The following GM2A variants were observed in gnomAD, a reference collection of about 807,000 sequenced individuals.
GM2A encodes the protein GM2 ganglioside activator.
In GM2A, 7 loss-of-function variants were observed where a neutral mutation model predicts 12.9. The observed-to-expected ratio is 0.54, with a 90% CI of 0.31 to 1.02. The LOEUF (loss-of-function observed/expected upper bound fraction) is 1.02. Among genes scored for constraint, GM2A ranks in the 50% least tolerant of loss-of-function variants. The pLI is 0.05. For missense variants in GM2A, 246 were observed against 241.0 expected, an observed-to-expected ratio of 1.02 and a Z score of -0.14; for synonymous variants, 101 against 96.0, an observed-to-expected ratio of 1.05 and a Z score of -0.30.
At chr5:151,260,290 T>C (rs1753771206) in intron 2 of GM2A, among the ~76,000 whole-genome samples, 1 of 152,206 alleles carries the variant, frequency 6.6e-6, no homozygotes. Flanking sequence ...GCCAGTAATA[T>C]ATAGTCACTT....
intron 1 of GM2A, among the ~76,000 whole-genome samples, chr5:151,259,343 G>A (rs1753749395): frequency 6.6e-6 from 1 of 152,180 alleles, no homozygotes; most frequent in African/African-American, 2.4e-5. Context: ...GGTCCTGGGT[G>A]TGGGCTGCAG....
rs1047548185 is a variant in GM2A at position 151,259,921 on chromosome 5, G to A, written c.243+5G>A. On this transcript the variant is annotated splice_donor_5th_base_variant and intron_variant, in intron 2 of 3. Transcript: ENST00000357164. ...CCCCTGAGTTCTCCTCTGAAGGTGA[G>A]CCTGGGGGTGGGTGGAGAAGGGGAG... 3 of 1,611,330 alleles carry A rather than the reference G, an allele frequency of 1.9e-6. No individual in the cohort carries two copies. Among genetic ancestry groups the A allele is most frequent in the African/African-American group, 1.3e-5 (1 of 74,872 alleles).
At chr5:151,261,187 C>T (rs1021360838) in intron 2 of GM2A, among the ~76,000 whole-genome samples, 35 of 152,056 alleles carry the variant, frequency 2.3e-4, no homozygotes, top group Non-Finnish European at 1.0e-4. Context: ...ACCATGCTTA[C>T]CTAATTTTTT....
intron 1 of GM2A, among the ~76,000 whole-genome samples, chr5:151,254,305 G>A (rs1368982254): frequency 1.3e-5 from 2 of 152,122 alleles, no homozygotes; most frequent in African/African-American, 4.8e-5. Flanking sequence ...TGGTAGTTCT[G>A]TTTTATTATC....
chr5:151,261,810 G>A (rs1441566642), intron 2 of GM2A, among the ~76,000 whole-genome samples: 1 of 152,192 alleles, frequency 6.6e-6, no homozygotes, highest in Admixed American at 6.5e-5. Flanking sequence ...CTGACCTCAG[G>A]CAATCCACCT....
chr5:151,260,992 A>AT (rs5872196), intron 2 of GM2A, among the ~76,000 whole-genome samples: 43 of 151,840 alleles, frequency 2.8e-4, no homozygotes, highest in African/African-American at 8.9e-4. Flanking sequence ...TACTTATTCA[A>AT]TTTTTTTTTA....
At chr5:151,258,555 TC>T (rs1419322636) in intron 1 of GM2A, among the ~76,000 whole-genome samples, 2 of 152,172 alleles carry the variant, frequency 1.3e-5, no homozygotes, top group Non-Finnish European at 2.9e-5. Context: ...CTTGATCTGT[TC>T]CCTTTTCCAC....
rs1240414702 is a variant in GM2A at position 151,269,100 on chromosome 5, AAG to A, written c.*1654_*1655del. On this transcript the variant is annotated 3_prime_UTR_variant, in exon 4 of 4. Transcript: ENST00000357164. ...CTGCTTTTGGAGCAGGGGTCCAAGG[AAG>A]AGAGGGTGGCCTCGACATCAAACTG... The A allele has an allele frequency of 1.0e-6, 1 of 985,340 alleles. No individual in the cohort carries two copies. Among genetic ancestry groups the A allele is most frequent in the African/African-American group, 1.7e-5 (1 of 57,240 alleles). The allele number at this position is 985,340 out of a possible 1,614,324, so 61.0% of individuals were successfully genotyped here. A position where few individuals can be genotyped will look rare whatever the true frequency, so the allele number is the denominator to read the frequency against.
At chr5:151,260,003 G>C in intron 2 of GM2A, 87 bp downstream of exon 2, 4 of 949,500 alleles carry the variant, frequency 4.2e-6, no homozygotes, top group Non-Finnish European at 6.4e-6. Context: ...GAACTGTGAA[G>C]AATTTCAGAA....
Position 151,262,547 on chromosome 5 carries a change from C to A in GM2A, c.243+2631C>A, listed in dbSNP as rs546778495. Among the ~76,000 whole-genome samples, 3 of 152,358 alleles carry A rather than the reference C, an allele frequency of 2.0e-5. No individual in the cohort carries two copies. In the East Asian group the frequency reaches 5.8e-4, roughly 29 times the overall value. On this transcript the variant is annotated intron_variant, in intron 2 of 3. Coordinates refer to ENST00000357164, the MANE Select transcript of GM2A (RefSeq NM_000405.5). The stretch of plus-strand genomic sequence containing the variant: ...ATCCTGCAGTCTCTTGACCCAGACA[C>A]AAGTCCTGGATATGTGGCAGCTTTC...
At chr5:151,262,764 T>C (rs961285721) in intron 2 of GM2A, among the ~76,000 whole-genome samples, 1 of 152,320 alleles carries the variant, frequency 6.6e-6, no homozygotes, top group South Asian at 2.1e-4. Flanking sequence ...CTCCCTCTGC[T>C]GATCTGGAGT....
chr5:151,267,051 T>C, intron 3 of GM2A, 138 bp downstream of exon 3: 1 of 876,124 alleles, frequency 1.1e-6, no homozygotes. Context: ...AGGAATCACT[T>C]ATCTTCCGGG....
rs1554092212 is a variant in GM2A at position 151,253,207 on chromosome 5, A to C, written c.-10A>C. The C allele has an allele frequency of 6.2e-7, 1 of 1,611,312 alleles. No homozygotes were observed. Among genetic ancestry groups the C allele is most frequent in the Non-Finnish European group, 8.5e-7 (1 of 1,177,666 alleles). On this transcript the variant is annotated 5_prime_UTR_variant, in exon 1 of 4. Transcript: ENST00000357164. ...CTTGCAGTTAACTCCGCCCTGACCCACCCTTCCCGATGCAGTCCCTGATGC... is the reference window on the plus strand; with the variant it reads ...CTTGCAGTTAACTCCGCCCTGACCCCCCCTTCCCGATGCAGTCCCTGATGC...
In GM2A at chr5:151,268,739, A is replaced by G. The variant is rs1229594421; in HGVS notation, c.*1288A>G. On this transcript the variant is annotated 3_prime_UTR_variant, in exon 4 of 4. Coordinates refer to ENST00000357164, the MANE Select transcript of GM2A (RefSeq NM_000405.5). ...AGCCAAAAATCCAGATTTGTATATG[A>G]AATCTTACCATTTTAAAAGATTGGC... is the stretch of plus-strand genomic sequence containing the variant. The G allele has an allele frequency of 6.2e-5, 38 of 616,220 alleles. No individual in the cohort carries two copies. Among genetic ancestry groups the G allele is most frequent in the Non-Finnish European group, 7.3e-5 (36 of 492,788 alleles). The allele number at this position is 616,220 out of a possible 1,614,324, so 38.2% of individuals were successfully genotyped here. A position where few individuals can be genotyped will look rare whatever the true frequency, so the allele number is the denominator to read the frequency against.
At chr5:151,253,353 G>C (rs2114026164) in intron 1 of GM2A, 56 bp downstream of exon 1, 1 of 1,319,950 alleles carries the variant, frequency 7.6e-7, no homozygotes, top group Non-Finnish European at 1.1e-6. Context: ...AGCTACGGGT[G>C]TGCGGGTCTG....
chr5:151,260,992 ATT>A (rs5872196), intron 2 of GM2A, among the ~76,000 whole-genome samples: 3 of 151,840 alleles, frequency 2.0e-5, no homozygotes, highest in African/African-American at 7.3e-5. Flanking sequence ...TACTTATTCA[ATT>A]TTTTTTTATC....
chr5:151,256,041 A>T (rs947424674), intron 1 of GM2A, among the ~76,000 whole-genome samples: 3 of 151,674 alleles, frequency 2.0e-5, no homozygotes, highest in African/African-American at 7.3e-5. Flanking sequence ...CCAGATAAAG[A>T]TGGGGGTGGG....
rs545467021 is a variant in GM2A at position 151,253,224 on chromosome 5, C to T, written c.8C>T (p.Ser3Phe). The change falls in exon 1 of 4, where the codon TCC becomes TTC. Residue 3 changes from serine (S) to phenylalanine (F), a missense_variant. Coordinates refer to ENST00000357164, the MANE Select transcript of GM2A (RefSeq NM_000405.5). ...CCTGACCCACCCTTCCCGATGCAGTCCCTGATGCAGGCTCCCCTCCTGATC... is the reference window on the plus strand; with the variant it reads ...CCTGACCCACCCTTCCCGATGCAGTTCCTGATGCAGGCTCCCCTCCTGATC... Reference protein sequence around the residue: MQSLMQAPLLIAL... With the variant: MQFLMQAPLLIAL... 3.5e-5 allele frequency: 57 copies of T among 1,613,734 alleles called. 1 individual carries two copies. In the South Asian group the frequency reaches 5.8e-4, roughly 16 times the overall value.
chr5:151,269,881 T>C lies in GM2A; in HGVS notation c.*2430T>C, dbSNP rs3734041. ...CTTTCCTTTTTCAAACCTATACTGT[T>C]GTTGGTGAATTCTTTTTACCAACCC... On this transcript the variant is annotated 3_prime_UTR_variant, in exon 4 of 4. Transcript: ENST00000357164. 3.6e-3 allele frequency: 2,604 copies of C among 713,658 alleles called. 86 individuals are homozygous for C. The East Asian group carries it at 0.075, about 21-fold the overall frequency. The allele number at this position is 713,658 out of a possible 1,614,324, so 44.2% of individuals were successfully genotyped here. A position where few individuals can be genotyped will look rare whatever the true frequency, so the allele number is the denominator to read the frequency against.
Sources: allele counts gnomAD v4.1 joint callset (sites outside exome capture counted in the v4.1 genomes callset), GRCh38; gene constraint gnomAD v4.1.1; transcripts MANE v1.5; gene names NCBI Gene and HGNC (gene_info 2026-07-23, HGNC 2026-07-21).